Variants in ADIPOR1 observed in about 807,000 individuals in gnomAD.
ADIPOR1 encodes the protein adiponectin receptor 1.
In ADIPOR1, 15 loss-of-function variants were observed where a neutral mutation model predicts 37.5. The ratio of observed to expected loss-of-function variants is 0.40; its 90% CI spans 0.27 to 0.62. ADIPOR1 has a LOEUF of 0.62. Among genes scored for constraint, ADIPOR1 ranks in the 20% least tolerant of loss-of-function variants. ADIPOR1 has a pLI of 0.42. For missense variants in ADIPOR1, 286 were observed against 478.0 expected, an observed-to-expected ratio of 0.60 and a Z score of 3.75; for synonymous variants, 173 against 173.2, an observed-to-expected ratio of 1.00 and a Z score of 0.01.
At chr1:202,947,094 C>T (rs181852470) in intron 3 of ADIPOR1, among the ~76,000 whole-genome samples, 6 of 151,402 alleles carry the variant, frequency 4.0e-5, no homozygotes, top group African/African-American at 7.3e-5. Context: ...CCAGCCTGGG[C>T]GACCGAGCAA....
At chr1:202,953,522 A>C (rs530113796) in intron 1 of ADIPOR1, among the ~76,000 whole-genome samples, 1 of 152,362 alleles carries the variant, frequency 6.6e-6, no homozygotes, top group Non-Finnish European at 1.5e-5. Context: ...CCAGCTTGCC[A>C]GCATATGACT....
At chr1:202,954,238 T>C (rs1213540945) in intron 1 of ADIPOR1, 2 of 152,170 alleles carry the variant, frequency 1.3e-5, no homozygotes, top group African/African-American at 4.8e-5. Context: ...TTAAAGTACA[T>C]ACAATGGAGG....
chr1:202,951,130 C>G lies in ADIPOR1; in HGVS notation c.-60G>C. The G allele has an allele frequency of 6.9e-6, 11 of 1,604,684 alleles. No individual in the cohort carries two copies. The South Asian group carries it at 1.2e-4, about 18-fold the overall frequency. On this transcript the variant is annotated 5_prime_UTR_variant, in exon 2 of 8. Coordinates refer to ENST00000340990, the MANE Select transcript of ADIPOR1 (RefSeq NM_015999.6). ...TGGGGAAAGGTTGGGGTCTCTCAGC[C>G]CCAGGGGGCAGAGATCTCCCTCTGA...
At chr1:202,943,121 GC>G (rs35447145) in intron 6 of ADIPOR1, among the ~76,000 whole-genome samples, 36,554 of 152,102 alleles carry the variant, frequency 0.24, 4,753 homozygotes, top group Non-Finnish European at 0.3. Context: ...GCCTGCCTCG[GC>G]CCCCCAAAGT....
At chr1:202,945,452 T>C (rs1654269943) in intron 4 of ADIPOR1, among the ~76,000 whole-genome samples, 1 of 152,234 alleles carries the variant, frequency 6.6e-6, no homozygotes, top group African/African-American at 2.4e-5. Flanking sequence ...GAAAAGGGTA[T>C]AGAGATTCCT....
At chr1:202,957,044 G>A (rs181682493) in intron 1 of ADIPOR1, among the ~76,000 whole-genome samples, 4 of 152,108 alleles carry the variant, frequency 2.6e-5, no homozygotes, top group East Asian at 1.9e-4. Flanking sequence ...CACAATATGG[G>A]TACATAAAAG....
chr1:202,947,260 G>A (rs1223539950), intron 3 of ADIPOR1, among the ~76,000 whole-genome samples: 1 of 152,088 alleles, frequency 6.6e-6, no homozygotes, highest in Non-Finnish European at 1.5e-5. Context: ...AGTGGTTCAC[G>A]CCTGTAATCC....
rs1388316429 is a variant in ADIPOR1, at chr1:202,945,187, A to T, written c.431-18T>A. The T allele has an allele frequency of 5.8e-6, 9 of 1,561,228 alleles. No homozygotes were observed. The highest frequency in any genetic ancestry group is 1.4e-5 in the African/African-American group (1 of 72,338). On this transcript the variant is annotated intron_variant, in intron 4 of 7. Coordinates refer to ENST00000340990, the MANE Select transcript of ADIPOR1 (RefSeq NM_015999.6). ...CACGAAACCTGCAGGAGGGTAAAAT[A>T]AAAAAAACCTGTAAGAAAAAAGGGA...
chr1:202,941,947 T>C, intron 7 of ADIPOR1, 78 bp downstream of exon 7: 1 of 1,453,136 alleles, frequency 6.9e-7, no homozygotes, highest in Non-Finnish European at 9.3e-7. Context: ...CCCAGTCTCA[T>C]ACCACCTTTT....
chr1:202,951,211 C>T, intron 1 of ADIPOR1, 47 bp from the exon 2 acceptor site: 3 of 975,938 alleles, frequency 3.1e-6, no homozygotes, highest in East Asian at 2.6e-5. Context: ...ATTCCTCTTA[C>T]AGTTTCATTT....
rs1654192867 is a variant in ADIPOR1, at chr1:202,943,738, A to G, written c.805+20T>C. The G allele has an allele frequency of 6.2e-7, 1 of 1,611,224 alleles. No homozygotes were observed. On this transcript the variant is annotated intron_variant, in intron 6 of 7. Transcript: ENST00000340990. ...TAAGGTCTAAATACCTCTGAGGTGT[A>G]CGTACATCTTCCGACCTACCTGCTC... is the stretch of plus-strand genomic sequence containing the variant.
At chr1:202,941,740 AAGG>A (rs768121785) in intron 7 of ADIPOR1, 39 bp from the exon 8 acceptor site, 3 of 1,579,018 alleles carry the variant, frequency 1.9e-6, no homozygotes, top group Non-Finnish European at 2.6e-6. Flanking sequence ...AGGATAATGC[AAGG>A]AGGAATAAGA....
At chr1:202,947,185 T>G (rs1654365220) in intron 3 of ADIPOR1, among the ~76,000 whole-genome samples, 1 of 152,156 alleles carries the variant, frequency 6.6e-6, no homozygotes, top group African/African-American at 2.4e-5. Context: ...TTAGTTTATC[T>G]GGAGAAGTTT....
Position 202,942,179 on chromosome 1 carries a change from G to A in ADIPOR1, c.845C>T (p.Thr282Ile), listed in dbSNP as rs868624726. 1 of 1,614,166 alleles carries A rather than the reference G, an allele frequency of 6.2e-7. No individual in the cohort carries two copies. The highest frequency in any genetic ancestry group is 1.1e-5 in the South Asian group (1 of 91,074). The change falls in exon 7 of 8, where the codon ACC becomes ATC. Residue 282 changes from threonine to isoleucine, a missense_variant. Coordinates refer to ENST00000340990, the MANE Select transcript of ADIPOR1 (RefSeq NM_015999.6). ...GCCCTCAGCGATAGTAAAGTGCATG[G>A]TGGGCACGACGCCACTCAAGCCAAG... ...LGLGLSGVVP[T>I]MHFTIAEGFV...
chr1:202,955,550 AAGTGAAC>A (rs902558757), intron 1 of ADIPOR1, among the ~76,000 whole-genome samples: 4 of 151,954 alleles, frequency 2.6e-5, no homozygotes, highest in African/African-American at 9.7e-5. Flanking sequence ...ACAAAAAAAA[AAGTGAAC>A]AGTATACAGG....
At position 202,942,264 on chromosome 1, in the gene ADIPOR1, G is replaced by T. The variant is rs370017434; in HGVS notation, c.806-46C>A. 4.3e-5 allele frequency: 65 copies of T among 1,525,232 alleles called. No individual in the cohort carries two copies. In the Middle Eastern group the frequency reaches 7.0e-4, roughly 16 times the overall value. The allele number at this position is 1,525,232 out of a possible 1,614,324, so 94.5% of individuals were successfully genotyped here. On this transcript the variant is annotated intron_variant, in intron 6 of 7. Transcript: ENST00000340990. Reference sequence around the variant, plus strand: ...ACTGTCAAACAAGGAAACAGCCACCGCATGGAAGGCACTGCTGTCTTACTC... The same window carrying T: ...ACTGTCAAACAAGGAAACAGCCACCTCATGGAAGGCACTGCTGTCTTACTC...
chr1:202,944,883 C>T (rs1228166516), intron 5 of ADIPOR1, 100 bp downstream of exon 5: 1 of 1,199,506 alleles, frequency 8.3e-7, no homozygotes, highest in Non-Finnish European at 1.2e-6. Flanking sequence ...TATCAAGAAA[C>T]CTTTAGGAGT....
intron 5 of ADIPOR1, 88 bp from the exon 6 acceptor site, chr1:202,944,033 C>T: frequency 3.2e-6 from 4 of 1,235,710 alleles, no homozygotes; most frequent in Non-Finnish European, 4.5e-6. Flanking sequence ...TCTCCACCTG[C>T]TCCCAGATTT....
At chr1:202,952,787 C>G (rs1308365433) in intron 1 of ADIPOR1, among the ~76,000 whole-genome samples, 7 of 152,150 alleles carry the variant, frequency 4.6e-5, no homozygotes, top group Admixed American at 3.3e-4. Flanking sequence ...CGAATAAATC[C>G]CATCTCTATC....
Sources: gnomAD v4.1 joint callset for allele counts (sites outside exome capture counted in the v4.1 genomes callset) on GRCh38, gnomAD v4.1.1 for gene constraint, MANE v1.5 for transcripts, NCBI Gene and HGNC (gene_info 2026-07-23, HGNC 2026-07-21) for gene names.